The following DNA2 variants were observed in gnomAD, a reference collection of about 807,000 sequenced individuals.
The protein encoded by DNA2 is DNA replication helicase/nuclease 2.
Under a neutral mutation model 119.1 loss-of-function variants are expected in DNA2, and 101 were observed. The ratio of observed to expected loss-of-function variants is 0.85; its 90% confidence interval spans 0.72 to 1.00. DNA2 has a LOEUF of 1.00. Ranked by LOEUF, DNA2 falls within the 50% of genes least tolerant of loss-of-function variation. DNA2 has a pLI of 0.00. For missense variants in DNA2, 1,121 were observed against 1,255.5 expected (o/e 0.89, Z 1.62); for synonymous variants, 366 against 424.4 (o/e 0.86, Z 1.69).
chr10:68,443,256 A>G (rs901622951), intron 8 of DNA2, 145 bp from the exon 9 acceptor site: 7 of 734,466 alleles, frequency 9.5e-6, no homozygotes, highest in African/African-American at 3.6e-5. Context: ...AAAGTCATTT[A>G]AACATAAGCC....
chr10:68,446,154 AAAC>A (rs1166456579), intron 7 of DNA2, 139 bp downstream of exon 7: 12 of 588,180 alleles, frequency 2.0e-5, no homozygotes, highest in Non-Finnish European at 3.3e-5. Context: ...CACACATAAA[AAAC>A]AACAACAAAA....
chr10:68,471,131 C>T (rs1564900654), intron 1 of DNA2, among the ~76,000 whole-genome samples: 1 of 152,174 alleles, frequency 6.6e-6, no homozygotes, highest in Non-Finnish European at 1.5e-5. Flanking sequence ...CATTACCTCT[C>T]CAGTGATAAC....
chr10:68,451,000 T>TA (rs1164234913), intron 5 of DNA2, among the ~76,000 whole-genome samples: 6 of 148,380 alleles, frequency 4.0e-5, no homozygotes, highest in African/African-American at 1.5e-4. Flanking sequence ...ACCCAAAGGC[T>TA]AAGGCAGGAG....
In DNA2 at chr10:68,451,502, T is replaced by C. The variant is rs572731063; in HGVS notation, c.720-1255A>G. On this transcript the variant is annotated intron_variant, in intron 5 of 20. Transcript: ENST00000358410. ...GGTTATTCTGCAGAAAGATAAGAGT[T>C]ACCTCTTATTAATCCTATCTACTGG... 1.8e-4 allele frequency among the ~76,000 whole-genome samples: 27 copies of C among 152,294 alleles called. No homozygotes were observed. The South Asian group carries it at 2.7e-3, about 15-fold the overall frequency.
chr10:68,468,112 C>T lies in DNA2; in HGVS notation c.441+11G>A, dbSNP rs2052347394. On this transcript the variant is annotated intron_variant, in intron 3 of 20. Transcript: ENST00000358410. ...GACCCTGCAGAAACATTAACTGTTA[C>T]TATTATTTACCCTAAAAGTTTCACT... 1 of 1,538,106 alleles carries T rather than the reference C, an allele frequency of 6.5e-7. No homozygotes were observed. The highest frequency in any genetic ancestry group is 8.8e-7 in the Non-Finnish European group (1 of 1,142,096).
At chr10:68,427,680 C>CACACACACACACACACAT (rs2051761055) in intron 14 of DNA2, among the ~76,000 whole-genome samples, 1 of 151,042 alleles carries the variant, frequency 6.6e-6, no homozygotes, top group Non-Finnish European at 1.5e-5. Context: ...CACACACACA[C>CACACACACACACACACAT]ATTTTAACTG....
chr10:68,431,186 G>C (rs1420818739), intron 13 of DNA2, among the ~76,000 whole-genome samples: 1 of 142,330 alleles, frequency 7.0e-6, no homozygotes, highest in East Asian at 2.0e-4. Context: ...ACCTCGCCTG[G>C]CTCACGTTAA....
At chr10:68,462,807 G>T (rs1168957223) in intron 4 of DNA2, among the ~76,000 whole-genome samples, 2 of 152,150 alleles carry the variant, frequency 1.3e-5, no homozygotes, top group East Asian at 3.9e-4. Context: ...AACAATGTAT[G>T]TAAAGCACTT....
In DNA2 at chr10:68,450,045, T is replaced by C. The variant is rs373953033; in HGVS notation, c.922A>G (p.Ile308Val). 1.8e-5 allele frequency: 29 copies of C among 1,589,256 alleles called. No homozygotes were observed. The African/African-American group carries it at 3.8e-4, about 21-fold the overall frequency. Reference protein sequence around the residue: ...ELKTGKESNSIEHRSQVVLYT... With the variant: ...ELKTGKESNSVEHRSQVVLYT... ...ATTTATACCTGACTACGGTGTTCAA[T>C]AGAATTTGATTCTTTGCCAGTTTTA... is the stretch of plus-strand genomic sequence containing the variant. The change falls in exon 6 of 21, where the codon ATT becomes GTT. Residue 308 changes from isoleucine to valine, a missense_variant. Physicochemically the swap from Ile to Val is conservative, Grantham distance 29. Transcript: ENST00000358410.
At chr10:68,449,232 A>G (rs1372744968) in intron 6 of DNA2, among the ~76,000 whole-genome samples, 2 of 152,208 alleles carry the variant, frequency 1.3e-5, no homozygotes, top group Admixed American at 6.5e-5. Context: ...GACTTCAAAA[A>G]CAAGCCTTTC....
intron 4 of DNA2, among the ~76,000 whole-genome samples, chr10:68,461,867 T>C (rs1446471778): frequency 3.4e-5 from 5 of 147,994 alleles, no homozygotes; most frequent in Non-Finnish European, 1.5e-5. Flanking sequence ...GGCTGGAGGA[T>C]TGTTTGAGGC....
chr10:68,418,804 C>A (rs1409994806), intron 19 of DNA2, among the ~76,000 whole-genome samples: 2 of 151,536 alleles, frequency 1.3e-5, no homozygotes, highest in Non-Finnish European at 2.9e-5. Flanking sequence ...TCCCAAGTAG[C>A]TGGGATTACA....
chr10:68,471,869 G>A lies in DNA2; in HGVS notation c.-5C>T, dbSNP rs2052385970. ...CAGTTCGTTCAGCTGCTCCATCCTG[G>A]ACGCGGGGATCGCAAACTGTAGACA... On this transcript the variant is annotated 5_prime_UTR_variant, in exon 1 of 21. Coordinates refer to ENST00000358410, the MANE Select transcript of DNA2 (RefSeq NM_001080449.3). 2 of 1,613,944 alleles carry A rather than the reference G, an allele frequency of 1.2e-6. No homozygotes were observed. The highest frequency in any genetic ancestry group is 2.7e-5 in the African/African-American group (2 of 75,048).
chr10:68,465,994 A>T (rs2052322501), intron 3 of DNA2, among the ~76,000 whole-genome samples, 182 bp from the exon 4 acceptor site: 1 of 152,080 alleles, frequency 6.6e-6, no homozygotes, highest in African/African-American at 2.4e-5. Flanking sequence ...TCTATCCAGA[A>T]TTGTCTGAAT....
chr10:68,425,681 G>C (rs1160652785), intron 14 of DNA2, among the ~76,000 whole-genome samples: 1 of 151,480 alleles, frequency 6.6e-6, no homozygotes, highest in Non-Finnish European at 1.5e-5. Flanking sequence ...GATTACAGGC[G>C]TGAGACACCG....
chr10:68,448,968 CGTGTGTGTGTGTGT>C (rs59756256), intron 6 of DNA2, among the ~76,000 whole-genome samples: 3 of 109,608 alleles, frequency 2.7e-5, no homozygotes, highest in African/African-American at 7.3e-5. Context: ...TGTGTGTGTG[CGTGTGTGTGTGTGT>C]GTGTAGTAGT....
At chr10:68,457,474 T>C (rs2052199576) in intron 5 of DNA2, among the ~76,000 whole-genome samples, 1 of 152,162 alleles carries the variant, frequency 6.6e-6, no homozygotes, top group African/African-American at 2.4e-5. Flanking sequence ...CTGCCACCAC[T>C]ACCTACCTAT....
chr10:68,453,658 T>G (rs1468988064), intron 5 of DNA2, among the ~76,000 whole-genome samples: 1 of 152,190 alleles, frequency 6.6e-6, no homozygotes, highest in Non-Finnish European at 1.5e-5. Flanking sequence ...TTTCTATATT[T>G]CAATATGTTT....
rs901115976 is a variant in DNA2, at chr10:68,465,120, A to G, written c.587+547T>C. 6.0e-5 allele frequency among the ~76,000 whole-genome samples: 9 copies of G among 149,558 alleles called. No individual in the cohort carries two copies. In the East Asian group the frequency reaches 1.8e-3, roughly 30 times the overall value. On this transcript the variant is annotated intron_variant, in intron 4 of 20. Coordinates refer to ENST00000358410, the MANE Select transcript of DNA2 (RefSeq NM_001080449.3). ...TGCAAGCTCTACCTCCCGGGTTCACACCATTCTCCTGCCTCAGCCTTCCGA... is the reference window on the plus strand; with the variant it reads ...TGCAAGCTCTACCTCCCGGGTTCACGCCATTCTCCTGCCTCAGCCTTCCGA...
Sources: allele counts gnomAD v4.1 joint callset (sites outside exome capture counted in the v4.1 genomes callset), GRCh38; gene constraint gnomAD v4.1.1; transcripts MANE v1.5; gene names NCBI Gene and HGNC (gene_info 2026-07-23, HGNC 2026-07-21).